The following ZFPM2 variants were observed in gnomAD, a reference collection of about 807,000 sequenced individuals.
The protein encoded by ZFPM2 is zinc finger protein, FOG family member 2, also known as zinc finger protein ZFPM2.
ZFPM2 carries 20 observed loss-of-function variants against 98.6 expected under a neutral mutation model. The ratio of observed to expected loss-of-function variants is 0.20; its 90% CI spans 0.14 to 0.29. The LOEUF (loss-of-function observed/expected upper bound fraction) is 0.29, where lower values mean the gene tolerates loss of function less well. Among genes scored for constraint, ZFPM2 ranks in the 10% least tolerant of loss-of-function variants. ZFPM2 has a pLI of 1.00. For missense variants in ZFPM2, 1,310 were observed against 1,388.6 expected (o/e 0.94, Z 0.90); for synonymous variants, 518 against 502.7 (o/e 1.03, Z -0.41).
chr8:105,468,095 T>C lies in ZFPM2; in HGVS notation c.301+23714T>C, dbSNP rs1373948462. ...ACTTCTCATAGCTCCCATTTTATCA[T>C]CTTTGTTAAACAAACCATCCTTACT... On this transcript the variant is annotated intron_variant, in intron 3 of 7. Transcript: ENST00000407775. 2.0e-5 allele frequency among the ~76,000 whole-genome samples: 3 copies of C among 152,028 alleles called. No homozygotes were observed. In the South Asian group the frequency reaches 6.2e-4, roughly 32 times the overall value.
At chr8:105,495,235 C>T (rs1055001637) in intron 3 of ZFPM2, among the ~76,000 whole-genome samples, 2 of 152,144 alleles carry the variant, frequency 1.3e-5, no homozygotes, top group African/African-American at 4.8e-5. Flanking sequence ...TCCTTGAGGA[C>T]AGCAATTACA....
At chr8:105,513,287 G>T (rs1012316266) in intron 3 of ZFPM2, among the ~76,000 whole-genome samples, 1 of 152,050 alleles carries the variant, frequency 6.6e-6, no homozygotes, top group African/African-American at 2.4e-5. Flanking sequence ...TTATATTTAT[G>T]GTTTCACTAA....
At chr8:105,417,451 T>C (rs1476015122) in intron 1 of ZFPM2, among the ~76,000 whole-genome samples, 4 of 152,126 alleles carry the variant, frequency 2.6e-5, no homozygotes, top group Admixed American at 1.3e-4. Flanking sequence ...ACAAATGATA[T>C]AGCTCATGTC....
At chr8:105,372,743 A>T (rs1810649043) in intron 1 of ZFPM2, among the ~76,000 whole-genome samples, 1 of 152,144 alleles carries the variant, frequency 6.6e-6, no homozygotes, top group Admixed American at 6.5e-5. Flanking sequence ...AATATGTTTG[A>T]GTTATTTAAT....
chr8:105,421,030 A>G (rs1361436848), intron 2 of ZFPM2, among the ~76,000 whole-genome samples: 1 of 152,042 alleles, frequency 6.6e-6, no homozygotes, highest in Non-Finnish European at 1.5e-5. Context: ...TTTTCATTAA[A>G]CTTTCAAAGA....
At chr8:105,502,799 G>A (rs906014914) in intron 3 of ZFPM2, among the ~76,000 whole-genome samples, 10 of 152,256 alleles carry the variant, frequency 6.6e-5, no homozygotes, top group African/African-American at 2.2e-4. Context: ...AAGGAGATAT[G>A]GTCTAGACCA....
intron 3 of ZFPM2, among the ~76,000 whole-genome samples, chr8:105,532,921 G>A (rs1192877404): frequency 8.5e-5 from 13 of 152,090 alleles, no homozygotes; most frequent in Non-Finnish European, 1.6e-4. Context: ...AACATTGGAA[G>A]ATTTGTGAGT....
At chr8:105,636,046 A>G (rs958046675) in intron 5 of ZFPM2, among the ~76,000 whole-genome samples, 2 of 152,130 alleles carry the variant, frequency 1.3e-5, no homozygotes, top group Non-Finnish European at 2.9e-5. Flanking sequence ...GTAATTCTAT[A>G]CAATATTTTT....
chr8:105,375,523 C>T (rs1486358989), intron 1 of ZFPM2, among the ~76,000 whole-genome samples: 1 of 152,116 alleles, frequency 6.6e-6, no homozygotes, highest in South Asian at 2.1e-4. Context: ...TTCTCTATGA[C>T]CTTTGTATGC....
intron 3 of ZFPM2, among the ~76,000 whole-genome samples, chr8:105,550,960 G>A (rs968676356): frequency 1.3e-5 from 2 of 152,168 alleles, no homozygotes; most frequent in Non-Finnish European, 2.9e-5. Flanking sequence ...ATATGCGATT[G>A]TTAATCAGAG....
At chr8:105,338,898 CAA>C (rs1812372667) in intron 1 of ZFPM2, among the ~76,000 whole-genome samples, 1 of 151,694 alleles carries the variant, frequency 6.6e-6, no homozygotes, top group Non-Finnish European at 1.5e-5. Flanking sequence ...ATTAAAGAAA[CAA>C]ATTGTTCCCC....
chr8:105,626,728 C>T (rs1816662767), intron 4 of ZFPM2, among the ~76,000 whole-genome samples: 1 of 152,110 alleles, frequency 6.6e-6, no homozygotes, highest in Non-Finnish European at 1.5e-5. Context: ...ATATAAACAG[C>T]TATGAATTTT....
chr8:105,457,106 A>G (rs891102813), intron 3 of ZFPM2, among the ~76,000 whole-genome samples: 1 of 152,180 alleles, frequency 6.6e-6, no homozygotes, highest in Non-Finnish European at 1.5e-5. Context: ...CATTTGTACT[A>G]TGCATTTGAT....
At chr8:105,702,805 C>T (rs1407982009) in intron 5 of ZFPM2, among the ~76,000 whole-genome samples, 1 of 152,168 alleles carries the variant, frequency 6.6e-6, no homozygotes, top group Non-Finnish European at 1.5e-5. Flanking sequence ...GTTTTGACAA[C>T]CAGATCAGCA....
intron 3 of ZFPM2, chr8:105,528,750 T>C (rs1322079127): frequency 6.6e-6 from 1 of 152,158 alleles, no homozygotes; most frequent in African/African-American, 2.4e-5. Context: ...AAAATTTTCA[T>C]CATGGCATTG....
At chr8:105,548,040 T>A (rs1814752909) in intron 3 of ZFPM2, among the ~76,000 whole-genome samples, 1 of 152,122 alleles carries the variant, frequency 6.6e-6, no homozygotes, top group Admixed American at 6.5e-5. Flanking sequence ...GTAATTTATA[T>A]AATTGTGGTC....
chr8:105,416,159 C>G (rs1466094497), intron 1 of ZFPM2, among the ~76,000 whole-genome samples: 4 of 151,404 alleles, frequency 2.6e-5, no homozygotes, highest in African/African-American at 9.7e-5. Context: ...ACATATGTAT[C>G]TGTATATATA....
intron 3 of ZFPM2, among the ~76,000 whole-genome samples, chr8:105,534,557 A>G (rs1410183685): frequency 6.6e-6 from 1 of 151,118 alleles, no homozygotes; most frequent in African/African-American, 2.4e-5. Flanking sequence ...TAAAAGGAGA[A>G]TTTTTCTGAG....
At chr8:105,434,565 T>C (rs1161899009) in intron 2 of ZFPM2, among the ~76,000 whole-genome samples, 2 of 152,216 alleles carry the variant, frequency 1.3e-5, no homozygotes, top group Non-Finnish European at 2.9e-5. Flanking sequence ...TCTGTGAAGG[T>C]ATCCTAACTA....
Sources: gnomAD v4.1 joint callset for allele counts (sites outside exome capture counted in the v4.1 genomes callset) on GRCh38, gnomAD v4.1.1 for gene constraint, MANE v1.5 for transcripts, NCBI Gene and HGNC (gene_info 2026-07-23, HGNC 2026-07-21) for gene names.